KAT6B: variants seen among roughly 807,000 people sequenced by gnomAD.
KAT6B encodes the protein histone acetyltransferase KAT6B.
A neutral mutation model predicts 187.5 loss-of-function variants in KAT6B; 10 were observed. That is an observed-to-expected ratio of 0.05 (90% confidence interval 0.03 to 0.09). The LOEUF is 0.09. Ranked by LOEUF, KAT6B falls within the 10% of genes least tolerant of loss-of-function variation. KAT6B has a pLI of 1.00. For synonymous variants in KAT6B, 861 were observed against 926.8 expected (o/e 0.93, Z 1.29); for missense variants, 1,952 against 2,558.9 (o/e 0.76, Z 5.12).
In KAT6B at chr10:74,976,098, C is replaced by T. The variant is rs200398709; in HGVS notation, c.1761C>T (p.Phe587=). The stretch of plus-strand genomic sequence containing the variant: ...CCACGGCAAAATCTAAAGCCCACTT[C>T]TTTGGCAAAAGAGATATTAGAAGTC... The part of the protein sequence containing the change: ...LSSTAKSKAH[F]FGKRDIRSRF... Residue 587 remains phenylalanine, a synonymous_variant, in exon 8 of 18, where the codon TTC becomes TTT. Transcript: ENST00000287239. 7.4e-6 allele frequency: 12 copies of T among 1,614,226 alleles called. No individual in the cohort carries two copies. In the South Asian group the frequency reaches 1.3e-4, roughly 18 times the overall value.
At chr10:74,977,724 T>C (rs753460591) in intron 9 of KAT6B, among the ~76,000 whole-genome samples, 19 of 152,238 alleles carry the variant, frequency 1.2e-4, no homozygotes, top group Non-Finnish European at 2.8e-4. Context: ...AAGGAATAGA[T>C]TTCTGATGAG....
chr10:75,014,286 G>A (rs1291018726), intron 13 of KAT6B, among the ~76,000 whole-genome samples: 1 of 152,072 alleles, frequency 6.6e-6, no homozygotes, highest in Non-Finnish European at 1.5e-5. Context: ...ACCAGCCTGG[G>A]CAACATAGGG....
intron 1 of KAT6B, among the ~76,000 whole-genome samples, chr10:74,827,501 T>TG (rs1840357979): frequency 6.6e-6 from 1 of 151,880 alleles, no homozygotes. Context: ...TTGCTAGCTT[T>TG]GGGGTATGAA....
At chr10:74,846,903 C>T (rs747909178) in intron 3 of KAT6B, among the ~76,000 whole-genome samples, 18 of 152,180 alleles carry the variant, frequency 1.2e-4, no homozygotes, top group Non-Finnish European at 2.5e-4. Flanking sequence ...ATTCAGGTAG[C>T]TTTAGGCAAT....
At chr10:75,026,862 A>G (rs1845886791) in intron 17 of KAT6B, among the ~76,000 whole-genome samples, 4 of 152,188 alleles carry the variant, frequency 2.6e-5, no homozygotes, top group South Asian at 2.1e-4. Flanking sequence ...CCAGCCAGGC[A>G]TGGTGGCTCA....
At chr10:74,852,558 C>G (rs1842542188) in intron 3 of KAT6B, among the ~76,000 whole-genome samples, 1 of 152,182 alleles carries the variant, frequency 6.6e-6, no homozygotes, top group South Asian at 2.1e-4. Flanking sequence ...CATGAATTGT[C>G]TCAAACTAGT....
intron 1 of KAT6B, among the ~76,000 whole-genome samples, chr10:74,832,251 C>T (rs1477127688): frequency 6.6e-6 from 1 of 152,158 alleles, no homozygotes; most frequent in East Asian, 1.9e-4. Context: ...GATATCTGGT[C>T]TGAAGACATC....
chr10:74,897,277 CA>C (rs1391917806), intron 3 of KAT6B, among the ~76,000 whole-genome samples: 1 of 152,188 alleles, frequency 6.6e-6, no homozygotes. Context: ...AGCCCTGGCA[CA>C]GACGCAAATC....
In KAT6B at chr10:75,025,103, A is replaced by G. The variant is rs761285524; in HGVS notation, c.3518A>G (p.Glu1173Gly). Residue 1173 changes from glutamate to glycine, a missense_variant, in exon 17 of 18, where the codon GAG becomes GGG. Glu to Gly is a moderately conservative substitution (Grantham distance 98). Coordinates refer to ENST00000287239, the MANE Select transcript of KAT6B (RefSeq NM_012330.4). ...GAAGAGAGGCCAATGCCACAGCTGG[A>G]GCCTACCTGTGAGATTGAAGTGGAG... ...SDEERPMPQL[E>G]PTCEIEVEED... is the part of the protein sequence containing the mutation. 5 of 1,614,214 alleles carry G rather than the reference A, an allele frequency of 3.1e-6. No individual in the cohort carries two copies. Among genetic ancestry groups the G allele is most frequent in the Non-Finnish European group, 4.2e-6 (5 of 1,180,022 alleles).
chr10:74,924,191 A>T (rs571957522), intron 3 of KAT6B, among the ~76,000 whole-genome samples: 2 of 152,184 alleles, frequency 1.3e-5, no homozygotes, highest in African/African-American at 2.4e-5. Context: ...TTTTTAAAAC[A>T]TATTTTTATT....
chr10:74,895,929 A>G (rs1390169194), intron 3 of KAT6B, among the ~76,000 whole-genome samples: 1 of 151,704 alleles, frequency 6.6e-6, no homozygotes, highest in Non-Finnish European at 1.5e-5. Context: ...ACCATTCCAC[A>G]CACTGCTTTT....
At chr10:74,833,273 A>T (rs1480085576) in intron 1 of KAT6B, among the ~76,000 whole-genome samples, 1 of 152,210 alleles carries the variant, frequency 6.6e-6, no homozygotes, top group East Asian at 1.9e-4. Flanking sequence ...AAATGCCAAA[A>T]AAAGACACTC....
At chr10:74,926,224 C>T (rs763469438) in intron 3 of KAT6B, among the ~76,000 whole-genome samples, 3 of 152,164 alleles carry the variant, frequency 2.0e-5, no homozygotes, top group African/African-American at 7.2e-5. Context: ...GAAGCCGAGG[C>T]GGGCAGATCA....
chr10:74,861,064 G>C (rs2132287280), intron 3 of KAT6B, among the ~76,000 whole-genome samples: 1 of 152,260 alleles, frequency 6.6e-6, no homozygotes, highest in East Asian at 1.9e-4. Context: ...TTGAACCCGG[G>C]AGGTGGAGGT....
In KAT6B at chr10:74,960,086, G is replaced by C; in HGVS notation, c.730+8G>C. 1 of 1,537,448 alleles carries C rather than the reference G, an allele frequency of 6.5e-7. No individual in the cohort carries two copies. The highest frequency in any genetic ancestry group is 9.0e-7 in the Non-Finnish European group (1 of 1,110,380). On this transcript the variant is annotated splice_region_variant and intron_variant, in intron 4 of 17. Coordinates refer to ENST00000287239, the MANE Select transcript of KAT6B (RefSeq NM_012330.4). Reference sequence around the variant, plus strand: ...CAGATTGTGGCAGTAGTGGTAAGTTGTGTTTTTCCTATGTGTTGTACAATG... The same window carrying C: ...CAGATTGTGGCAGTAGTGGTAAGTTCTGTTTTTCCTATGTGTTGTACAATG...
At chr10:74,949,616 A>T (rs1481264884) in intron 3 of KAT6B, among the ~76,000 whole-genome samples, 1 of 152,220 alleles carries the variant, frequency 6.6e-6, no homozygotes. Context: ...GAGCATTTCA[A>T]TTAAGTCCAC....
intron 3 of KAT6B, among the ~76,000 whole-genome samples, chr10:74,892,927 A>G (rs1421202847): frequency 3.9e-5 from 6 of 152,200 alleles, no homozygotes; most frequent in African/African-American, 1.4e-4. Context: ...GGGACAGTGT[A>G]TGGAGAGAGG....
At position 74,844,990 on chromosome 10, in the gene KAT6B, G is replaced by A. The variant is rs574858547; in HGVS notation, c.621+1512G>A. Among the ~76,000 whole-genome samples, 10 of 152,266 alleles carry A rather than the reference G, an allele frequency of 6.6e-5. No individual in the cohort carries two copies. The East Asian group carries it at 1.7e-3, about 26-fold the overall frequency. ...CCAGCACCTTGGGAGGCCAGGGTGG[G>A]AGGATCACTTGAGCCCAGGAGTTCA... On this transcript the variant is annotated intron_variant, in intron 3 of 17. Transcript: ENST00000287239.
intron 3 of KAT6B, among the ~76,000 whole-genome samples, chr10:74,881,380 A>G (rs1653946786): frequency 6.6e-6 from 1 of 152,062 alleles, no homozygotes; most frequent in Admixed American, 6.6e-5. Context: ...GGCTTCACTG[A>G]GGTAATCTGT....
Sources: allele counts gnomAD v4.1 joint callset (sites outside exome capture counted in the v4.1 genomes callset), GRCh38; gene constraint gnomAD v4.1.1; transcripts MANE v1.5; gene names NCBI Gene and HGNC (gene_info 2026-07-23, HGNC 2026-07-21).